The following SIPA1L1 variants were observed in gnomAD, a reference collection of about 807,000 sequenced individuals.
The protein encoded by SIPA1L1 is signal-induced proliferation-associated 1-like protein 1.
In SIPA1L1, 26 loss-of-function variants were observed where a neutral mutation model predicts 162.7. That is an observed-to-expected ratio of 0.16 (90% confidence interval 0.12 to 0.22). SIPA1L1 has a LOEUF of 0.22. SIPA1L1 is among the 10% of genes least tolerant of loss of function. The pLI is 1.00. For missense variants in SIPA1L1, 1,874 were observed against 2,241.0 expected (o/e 0.84, Z 3.31); for synonymous variants, 829 against 837.4 (o/e 0.99, Z 0.17).
intron 2 of SIPA1L1, among the ~76,000 whole-genome samples, chr14:71,338,859 C>G (rs958913188): frequency 2.6e-5 from 4 of 152,068 alleles, no homozygotes; most frequent in African/African-American, 9.7e-5. Context: ...CCTTCCTCAG[C>G]TTCCCGAGTA....
chr14:71,547,051 T>C (rs2055282336), intron 4 of SIPA1L1, among the ~76,000 whole-genome samples: 1 of 152,114 alleles, frequency 6.6e-6, no homozygotes, highest in African/African-American at 2.4e-5. Context: ...ATTGTGGTGC[T>C]TATTGCCTTG....
At chr14:71,487,384 A>G (rs1046754383) in intron 2 of SIPA1L1, among the ~76,000 whole-genome samples, 9 of 152,242 alleles carry the variant, frequency 5.9e-5, no homozygotes, top group African/African-American at 1.4e-4. Context: ...TAAATACTCC[A>G]AACAGTGCCT....
At chr14:71,594,660 T>C (rs2035824386) in intron 5 of SIPA1L1, among the ~76,000 whole-genome samples, 1 of 152,236 alleles carries the variant, frequency 6.6e-6, no homozygotes, top group African/African-American at 2.4e-5. Flanking sequence ...TCTGCCAAAA[T>C]GAATTGAATG....
At chr14:71,572,096 T>G (rs2032176382) in intron 4 of SIPA1L1, among the ~76,000 whole-genome samples, 1 of 152,120 alleles carries the variant, frequency 6.6e-6, no homozygotes, top group Admixed American at 6.5e-5. Context: ...CCTCCTAACT[T>G]GCTAGCTCAG....
At chr14:71,733,882 A>C in intron 21 of SIPA1L1, 70 bp downstream of exon 21, 1 of 1,476,888 alleles carries the variant, frequency 6.8e-7, no homozygotes, top group East Asian at 2.3e-5. Flanking sequence ...CATCCACTCT[A>C]CTTCTCTGGA....
intron 2 of SIPA1L1, among the ~76,000 whole-genome samples, chr14:71,406,737 G>A (rs932537575): frequency 1.3e-5 from 2 of 152,070 alleles, no homozygotes; most frequent in Admixed American, 6.5e-5. Context: ...TTTTAAGTTT[G>A]TTTTAAAGCT....
At chr14:71,489,849 T>C (rs2049092657) in intron 2 of SIPA1L1, among the ~76,000 whole-genome samples, 2 of 152,316 alleles carry the variant, frequency 1.3e-5, no homozygotes, top group Non-Finnish European at 2.9e-5. Flanking sequence ...GTAAATGTTA[T>C]TAAACCTACA....
rs534774359 is a variant in SIPA1L1 at position 71,407,591 on chromosome 14, G to T, written c.-465+86410G>T. ...GCATGATCAGGGCTGACTGAAGCCT[G>T]GAACACCTGGGCCCCAATGATCCTC... On this transcript the variant is annotated intron_variant, in intron 2 of 23. Transcript: ENST00000381232. Among the ~76,000 whole-genome samples the T allele has an allele frequency of 2.6e-5, 4 of 151,520 alleles. No individual in the cohort carries two copies. In the East Asian group the frequency reaches 7.8e-4, roughly 29 times the overall value.
intron 12 of SIPA1L1, among the ~76,000 whole-genome samples, chr14:71,674,547 CTGTTTTTTTTT>C (rs1270349828): frequency 2.0e-5 from 3 of 148,908 alleles, no homozygotes; most frequent in Non-Finnish European, 3.0e-5. Context: ...AGTAGCATTC[CTGTTTTTTTTT>C]TGTTTTTTTT....
chr14:71,372,140 A>G (rs1595071991), intron 2 of SIPA1L1, among the ~76,000 whole-genome samples: 1 of 152,300 alleles, frequency 6.6e-6, no homozygotes, highest in East Asian at 1.9e-4. Context: ...GTCAGTATAT[A>G]CTGGGTGATT....
chr14:71,708,517 G>A (rs935818198), intron 16 of SIPA1L1, among the ~76,000 whole-genome samples: 9 of 152,112 alleles, frequency 5.9e-5, no homozygotes, highest in Admixed American at 5.9e-4. Context: ...TAGAAATGGG[G>A]TTTTGCTGTG....
chr14:71,528,709 A>C (rs2053141501), intron 3 of SIPA1L1: 1 of 152,240 alleles, frequency 6.6e-6, no homozygotes, highest in South Asian at 2.1e-4. Context: ...CTTTATAAAT[A>C]GCAGTCCAGG....
rs544724017 is a variant in SIPA1L1 at position 71,373,453 on chromosome 14, C to T, written c.-465+52272C>T. On this transcript the variant is annotated intron_variant, in intron 2 of 23. Transcript: ENST00000381232. Reference sequence around the variant, plus strand: ...GCCTGGCCAACGTGGTGAAATCCCGCTTCTACTAAAAATATAAGCAAATTA... The same window carrying T: ...GCCTGGCCAACGTGGTGAAATCCCGTTTCTACTAAAAATATAAGCAAATTA... 1.8e-4 allele frequency among the ~76,000 whole-genome samples: 27 copies of T among 151,824 alleles called. 1 individual carries two copies. Among genetic ancestry groups the T allele is most frequent in the African/African-American group, 6.0e-4 (25 of 41,360 alleles).
intron 2 of SIPA1L1, among the ~76,000 whole-genome samples, chr14:71,427,884 A>G (rs928163852): frequency 3.1e-4 from 47 of 152,154 alleles, no homozygotes; most frequent in African/African-American, 1.1e-3. Context: ...TCTGCCAACA[A>G]GTATTTTTCA....
At chr14:71,557,860 A>G (rs995654708) in intron 4 of SIPA1L1, among the ~76,000 whole-genome samples, 3 of 152,172 alleles carry the variant, frequency 2.0e-5, no homozygotes, top group Admixed American at 6.5e-5. Context: ...TACAAGTTCA[A>G]TTTTTTAGAA....
At chr14:71,544,071 GCACGCACATGTATGTATATACA>G (rs1162146795) in intron 4 of SIPA1L1, among the ~76,000 whole-genome samples, 25 of 142,946 alleles carry the variant, frequency 1.7e-4, no homozygotes, top group African/African-American at 4.9e-4. Flanking sequence ...ATATACACAC[GCACGCACATGTATGTATATACA>G]CACGCACATG....
chr14:71,540,532 A>T (rs956202552), intron 4 of SIPA1L1, among the ~76,000 whole-genome samples: 1 of 152,206 alleles, frequency 6.6e-6, no homozygotes, highest in Non-Finnish European at 1.5e-5. Context: ...AATAAAATTT[A>T]AAAAATTTTA....
At chr14:71,409,363 C>A (rs1258052237) in intron 2 of SIPA1L1, among the ~76,000 whole-genome samples, 1 of 151,952 alleles carries the variant, frequency 6.6e-6, no homozygotes, top group Non-Finnish European at 1.5e-5. Flanking sequence ...CCAGGCCACC[C>A]CCTTATGGGT....
rs769876882 is a variant in SIPA1L1 at position 71,624,113 on chromosome 14, C to T, written c.1695C>T (p.Ala565=). ...AIPSTAKHST[A]RGLPLKEVLE... is the part of the protein sequence containing the mutation. ...CGTCGACAGCCAAGCACTCGACAGCCAGAGGCCTGCCTCTCAAAGAAGTGC... is the reference window on the plus strand; with the variant it reads ...CGTCGACAGCCAAGCACTCGACAGCTAGAGGCCTGCCTCTCAAAGAAGTGC... The change falls in exon 7 of 24, where the codon GCC becomes GCT. Residue 565 remains alanine, a synonymous_variant. Coordinates refer to ENST00000381232, the MANE Select transcript of SIPA1L1 (RefSeq NM_001386936.1). 72 of 1,614,032 alleles carry T rather than the reference C, an allele frequency of 4.5e-5. 1 individual carries two copies. In the Middle Eastern group the frequency reaches 4.9e-4, roughly 11 times the overall value.
Sources: gnomAD v4.1 joint callset for allele counts (sites outside exome capture counted in the v4.1 genomes callset) on GRCh38, gnomAD v4.1.1 for gene constraint, MANE v1.5 for transcripts, NCBI Gene and HGNC (gene_info 2026-07-23, HGNC 2026-07-21) for gene names.